The following CAMTA1 variants were observed in gnomAD, a reference collection of about 807,000 sequenced individuals.
CAMTA1 encodes calmodulin-binding transcription activator 1.
Under a neutral mutation model 170.9 loss-of-function variants are expected in CAMTA1, and 27 were observed. The observed-to-expected ratio is 0.16, with a 90% confidence interval of 0.12 to 0.22. The LOEUF is 0.22. Among genes scored for constraint, CAMTA1 ranks in the 10% least tolerant of loss-of-function variants. CAMTA1 has a pLI of 1.00. For missense variants in CAMTA1, 1,619 were observed against 2,217.2 expected (o/e 0.73, Z 5.42); for synonymous variants, 833 against 891.5 (o/e 0.93, Z 1.17).
At chr1:7,060,223 G>C (rs913392122) in intron 3 of CAMTA1, among the ~76,000 whole-genome samples, 6 of 152,218 alleles carry the variant, frequency 3.9e-5, no homozygotes, top group African/African-American at 1.4e-4. Context: ...CACAGCCCTG[G>C]AGCCCAGAAG....
chr1:7,736,276 A>T lies in CAMTA1; in HGVS notation c.3067-68A>T. ...TAATCGTAAAGCATTTGTTTCCCCT[A>T]CATCGAAGCGCTGATGGGGTCGAGG... is the stretch of plus-strand genomic sequence containing the variant. On this transcript the variant is annotated intron_variant, in intron 12 of 22. Coordinates refer to ENST00000303635, the MANE Select transcript of CAMTA1 (RefSeq NM_015215.4). The surrounding 1 kb of genome is among the most constrained non-coding windows in gnomAD (Gnocchi z 4.5). 1 of 1,297,940 alleles carries T rather than the reference A, an allele frequency of 7.7e-7. No homozygotes were observed. Among genetic ancestry groups the T allele is most frequent in the South Asian group, 1.3e-5 (1 of 79,758 alleles). 80.4% of individuals were successfully genotyped at this position (1,297,940 alleles called of 1,614,324 possible).
chr1:7,103,587 C>T (rs1643079976), intron 4 of CAMTA1, among the ~76,000 whole-genome samples: 1 of 143,054 alleles, frequency 7.0e-6, no homozygotes, highest in Non-Finnish European at 1.5e-5. Context: ...CACACATGTA[C>T]ACACAACACA....
chr1:7,559,264 C>T (rs1264333676), intron 6 of CAMTA1, among the ~76,000 whole-genome samples: 2 of 152,184 alleles, frequency 1.3e-5, no homozygotes, highest in African/African-American at 4.8e-5. Flanking sequence ...TGTCCCTCCA[C>T]CCAGAAGCCC....
intron 6 of CAMTA1, among the ~76,000 whole-genome samples, chr1:7,566,189 G>A (rs1363320061): frequency 1.3e-5 from 2 of 152,182 alleles, no homozygotes; most frequent in Admixed American, 1.3e-4. Context: ...TGGAGACAAG[G>A]GATCTGGTGC....
chr1:7,187,702 A>G (rs1425923673), intron 4 of CAMTA1, among the ~76,000 whole-genome samples: 1 of 152,216 alleles, frequency 6.6e-6, no homozygotes, highest in East Asian at 1.9e-4. Flanking sequence ...ACTTCCTGGC[A>G]CCAACCTTCA....
At chr1:7,103,535 TAC>T (rs1437189748) in intron 4 of CAMTA1, among the ~76,000 whole-genome samples, 3 of 117,130 alleles carry the variant, frequency 2.6e-5, no homozygotes, top group South Asian at 2.6e-4. Flanking sequence ...AACACACAAC[TAC>T]ACACATGTAC....
At position 6,785,487 on chromosome 1, in the gene CAMTA1, G is replaced by A. The variant is rs1037136642; in HGVS notation, c.-44G>A. The A allele has an allele frequency of 2.2e-5, 22 of 1,021,080 alleles. 1 individual carries two copies. Among genetic ancestry groups the A allele is most frequent in the Non-Finnish European group, 1.1e-5 (9 of 847,662 alleles). 63.3% of individuals were successfully genotyped at this position (1,021,080 alleles called of 1,614,324 possible). On this transcript the variant is annotated 5_prime_UTR_variant, in exon 1 of 23. Coordinates refer to ENST00000303635, the MANE Select transcript of CAMTA1 (RefSeq NM_015215.4). The stretch of plus-strand genomic sequence containing the variant: ...GGTGGCTGGGCCGGCGGCGGCGGCG[G>A]TACGAGGCGCGCGCTCGGGGTCCCG...
chr1:6,824,731 A>G (rs1646915841), intron 2 of CAMTA1, among the ~76,000 whole-genome samples: 1 of 152,212 alleles, frequency 6.6e-6, no homozygotes, highest in East Asian at 1.9e-4. Flanking sequence ...CAACTGCTTA[A>G]TAAAAGATTT....
intron 4 of CAMTA1, among the ~76,000 whole-genome samples, chr1:7,179,189 G>A (rs1651578756): frequency 6.6e-6 from 1 of 152,190 alleles, no homozygotes; most frequent in South Asian, 2.1e-4. Context: ...CAGAAAAATG[G>A]CTGCTAATAA....
chr1:7,343,299 T>C (rs1450973100), intron 5 of CAMTA1, among the ~76,000 whole-genome samples: 1 of 152,196 alleles, frequency 6.6e-6, no homozygotes, highest in Non-Finnish European at 1.5e-5. Context: ...TCAGCTCTCC[T>C]GGATTGTGGG....
chr1:7,056,950 C>T (rs1572739838), intron 3 of CAMTA1, among the ~76,000 whole-genome samples: 2 of 152,174 alleles, frequency 1.3e-5, no homozygotes, highest in East Asian at 1.9e-4. Context: ...CCAGTGTCAG[C>T]ATCCCCCGCA....
chr1:7,275,525 TAAGA>T (rs1383937668), intron 5 of CAMTA1, among the ~76,000 whole-genome samples: 1 of 152,034 alleles, frequency 6.6e-6, no homozygotes, highest in African/African-American at 2.4e-5. Context: ...CTAGCTTGAT[TAAGA>T]AACAGAGAAA....
chr1:6,960,232 G>A (rs1342658021), intron 3 of CAMTA1, among the ~76,000 whole-genome samples: 1 of 152,208 alleles, frequency 6.6e-6, no homozygotes, highest in African/African-American at 2.4e-5. Flanking sequence ...CTTTCAAGGG[G>A]CAGAGACCAG....
rs1373268749 is a variant in CAMTA1, at chr1:7,213,587, TA to T, written c.303-35903del. ...TGCATCCTGTCCTTCACAGAGCAAATATTTTTTTTCTTTTTTTTAAATTTCT... is the reference window on the plus strand; with the variant it reads ...TGCATCCTGTCCTTCACAGAGCAAATTTTTTTTTCTTTTTTTTAAATTTCT... On this transcript the variant is annotated intron_variant, in intron 4 of 22. Coordinates refer to ENST00000303635, the MANE Select transcript of CAMTA1 (RefSeq NM_015215.4). 5.6e-5 allele frequency among the ~76,000 whole-genome samples: 8 copies of T among 143,870 alleles called. No homozygotes were observed. The East Asian group carries it at 6.1e-4, about 11-fold the overall frequency. 94.4% of individuals were successfully genotyped at this position (143,870 alleles called of 152,430 possible). A position where few individuals can be genotyped will look rare whatever the true frequency, so the allele number is the denominator to read the frequency against.
intron 6 of CAMTA1, among the ~76,000 whole-genome samples, chr1:7,618,300 C>G (rs747785631): frequency 6.6e-6 from 1 of 152,212 alleles, no homozygotes; most frequent in Non-Finnish European, 1.5e-5. Flanking sequence ...ACCTCCCAAG[C>G]CAGACCAGAT....
chr1:7,466,321 A>G (rs984689878), intron 5 of CAMTA1, among the ~76,000 whole-genome samples: 2 of 152,248 alleles, frequency 1.3e-5, no homozygotes, highest in African/African-American at 4.8e-5. Flanking sequence ...TGTTTAAATT[A>G]ATTTCCGCTT....
chr1:7,174,601 G>C (rs575185414), intron 4 of CAMTA1, among the ~76,000 whole-genome samples: 1 of 152,184 alleles, frequency 6.6e-6, no homozygotes, highest in Non-Finnish European at 1.5e-5. Context: ...AGGCTGGGGG[G>C]ACCACTTCTG....
intron 5 of CAMTA1, among the ~76,000 whole-genome samples, chr1:7,296,470 T>A (rs1224294535): frequency 2.0e-5 from 3 of 151,964 alleles, no homozygotes; most frequent in Non-Finnish European, 4.4e-5. Flanking sequence ...TCAGCAGTAG[T>A]GGGGATGGGA....
At chr1:7,449,022 T>C (rs750040722) in intron 5 of CAMTA1, among the ~76,000 whole-genome samples, 1 of 152,216 alleles carries the variant, frequency 6.6e-6, no homozygotes, top group Non-Finnish European at 1.5e-5. Context: ...TGAACATTGA[T>C]ACCAACATGG....
Sources: allele counts gnomAD v4.1 joint callset (sites outside exome capture counted in the v4.1 genomes callset), GRCh38; gene constraint gnomAD v4.1.1; non-coding constraint Gnocchi (gnomAD v3.1); transcripts MANE v1.5; gene names NCBI Gene and HGNC (gene_info 2026-07-23, HGNC 2026-07-21).